Variants in PRRC2B observed in about 807,000 individuals in gnomAD.
PRRC2B encodes protein PRRC2B.
A neutral mutation model predicts 242.3 loss-of-function variants in PRRC2B; 68 were observed. The ratio of observed to expected loss-of-function variants is 0.28; its 90% CI spans 0.23 to 0.34. The LOEUF is 0.34. PRRC2B is among the 10% of genes least tolerant of loss of function. The pLI, the probability that PRRC2B is intolerant of heterozygous loss-of-function variation, is 1.00. For missense variants in PRRC2B, 2,835 were observed against 2,954.8 expected (o/e 0.96, Z 0.94); for synonymous variants, 1,228 against 1,173.6 (o/e 1.05, Z -0.95).
Position 131,488,025 on chromosome 9 carries a change from G to T in PRRC2B, c.6154G>T (p.Val2052Phe), listed in dbSNP as rs746579111. The change falls in exon 28 of 32, where the codon GTC becomes TTC. Residue 2052 changes from valine to phenylalanine, a missense_variant. By Grantham distance (50) the Val-to-Phe change is conservative. Transcript: ENST00000683519. Reference protein sequence around the residue: ...YQPMSGNQALVYEGQLSQAAG... With the variant: ...YQPMSGNQALFYEGQLSQAAG... ...GCCCATGAGCGGGAACCAAGCCCTG[G>T]TCTACGAGGGCCAGCTCAGCCAGGC... 5 of 1,612,620 alleles carry T rather than the reference G, an allele frequency of 3.1e-6. No individual in the cohort carries two copies. Among genetic ancestry groups the T allele is most frequent in the Admixed American group, 3.3e-5 (2 of 59,816 alleles).
At chr9:131,420,251 T>G (rs768110298) in intron 1 of PRRC2B, among the ~76,000 whole-genome samples, 2 of 151,958 alleles carry the variant, frequency 1.3e-5, no homozygotes, top group African/African-American at 2.4e-5. Flanking sequence ...AGGCTGTTTA[T>G]TCTTGGAGAG....
chr9:131,490,010 G>C (rs564377701), intron 28 of PRRC2B, among the ~76,000 whole-genome samples: 2 of 152,224 alleles, frequency 1.3e-5, no homozygotes, highest in East Asian at 3.9e-4. Context: ...TGTGTTTCAA[G>C]AGTCATGGCT....
At chr9:131,467,467 T>C (rs1943429920) in intron 12 of PRRC2B, 96 bp from the exon 13 acceptor site, 1 of 1,099,742 alleles carries the variant, frequency 9.1e-7, no homozygotes. Context: ...CAGTGGAGCG[T>C]ACGGGCCAAC....
At chr9:131,464,556 T>C (rs1026962853) in intron 11 of PRRC2B, among the ~76,000 whole-genome samples, 6 of 152,308 alleles carry the variant, frequency 3.9e-5, no homozygotes, top group African/African-American at 4.8e-5. Context: ...AAGTGAGATA[T>C]GGAGAGTTGG....
chr9:131,495,941 C>A lies in PRRC2B; in HGVS notation c.*67C>A. The A allele has an allele frequency of 6.4e-7, 1 of 1,568,554 alleles. No individual in the cohort carries two copies. Among genetic ancestry groups the A allele is most frequent in the South Asian group, 1.1e-5 (1 of 89,496 alleles). On this transcript the variant is annotated 3_prime_UTR_variant, in exon 32 of 32. Transcript: ENST00000683519. ...TGCCGCCATGCGGCCTCGACACAGC[C>A]GACACTCGGGAGCCTCACCAGATCC...
At chr9:131,376,236 C>A (rs1210680841) in intron 1 of PRRC2B, among the ~76,000 whole-genome samples, 2 of 151,770 alleles carry the variant, frequency 1.3e-5, no homozygotes, top group African/African-American at 4.8e-5. Flanking sequence ...CGTCTGTAAT[C>A]CCAGCTAATC....
At chr9:131,439,270 T>C (rs1352482843) in intron 5 of PRRC2B, among the ~76,000 whole-genome samples, 1 of 152,184 alleles carries the variant, frequency 6.6e-6, no homozygotes, top group Non-Finnish European at 1.5e-5. Flanking sequence ...TGTGTGCTCT[T>C]GCTGAGACAG....
At chr9:131,397,427 A>G (rs998905692) in intron 1 of PRRC2B, among the ~76,000 whole-genome samples, 1 of 152,060 alleles carries the variant, frequency 6.6e-6, no homozygotes, top group Non-Finnish European at 1.5e-5. Flanking sequence ...TGGTTCCAGC[A>G]TGGGTCCCTT....
chr9:131,461,052 C>T (rs1433003774), intron 11 of PRRC2B, among the ~76,000 whole-genome samples: 6 of 152,192 alleles, frequency 3.9e-5, no homozygotes, highest in Non-Finnish European at 5.9e-5. Context: ...CCTCCAGTTC[C>T]ACAGACTTTG....
At chr9:131,384,298 T>G (rs1219472127) in intron 1 of PRRC2B, among the ~76,000 whole-genome samples, 1 of 140,544 alleles carries the variant, frequency 7.1e-6, no homozygotes, top group East Asian at 2.0e-4. Flanking sequence ...ATGTATTTTA[T>G]TTGAGGTGGA....
At position 131,488,010 on chromosome 9, in the gene PRRC2B, G is replaced by A. The variant is rs374786431; in HGVS notation, c.6139G>A (p.Gly2047Arg). 1.6e-5 allele frequency: 25 copies of A among 1,611,922 alleles called. No homozygotes were observed. The highest frequency in any genetic ancestry group is 6.7e-5 in the African/African-American group (5 of 74,872). Reference protein sequence around the residue: ...QSGSPYQPMSGNQALVYEGQL... With the variant: ...QSGSPYQPMSRNQALVYEGQL... ...TGGCTCACCCTACCAGCCCATGAGC[G>A]GGAACCAAGCCCTGGTCTACGAGGG... The change falls in exon 28 of 32, where the codon GGG becomes AGG. Residue 2047 changes from glycine (G) to arginine (R), a missense_variant. Gly to Arg is a moderately radical substitution (Grantham distance 125). Around this residue, in one of 7 missense-constraint regions of PRRC2B, gnomAD observed 574 missense variants for 626.0 expected, o/e 0.92. Transcript: ENST00000683519.
rs370582568 is a variant in PRRC2B at position 131,484,775 on chromosome 9, C to T, written c.5550C>T (p.Ala1850=). The change falls in exon 24 of 32, where the codon GCC becomes GCT. Residue 1850 remains alanine, a synonymous_variant. Coordinates refer to ENST00000683519, the MANE Select transcript of PRRC2B (RefSeq NM_013318.4). ...IGLSPMSFPT[A]DLTLKMESAR... ...TCTCCCCAATGTCCTTCCCCACCGC[C>T]GACCTTACTCTGAAGGTAACACCAG... The T allele has an allele frequency of 3.9e-5, 62 of 1,610,120 alleles. No individual in the cohort carries two copies. Among genetic ancestry groups the T allele is most frequent in the African/African-American group, 9.4e-5 (7 of 74,762 alleles).
At chr9:131,459,907 AG>A (rs1368423251) in intron 11 of PRRC2B, among the ~76,000 whole-genome samples, 1 of 140,872 alleles carries the variant, frequency 7.1e-6, no homozygotes, top group Non-Finnish European at 1.5e-5. Flanking sequence ...AGGCTGAGGC[AG>A]GGGGATTGCT....
intron 14 of PRRC2B, among the ~76,000 whole-genome samples, chr9:131,472,391 G>A (rs990954420): frequency 6.0e-5 from 9 of 150,462 alleles, no homozygotes; most frequent in Non-Finnish European, 1.2e-4. Flanking sequence ...TGCAACCTCC[G>A]CCTCCCGGGT....
Position 131,447,220 on chromosome 9 carries a change from A to G in PRRC2B, c.977+14A>G, listed in dbSNP as rs371856420. ...TGACCAAGACGGGTGAGTCCATTGC[A>G]TTACAGTCACGTGTGTAGAGATGAG... On this transcript the variant is annotated intron_variant, in intron 8 of 31. Transcript: ENST00000683519. The G allele has an allele frequency of 4.8e-5, 77 of 1,613,766 alleles. No individual in the cohort carries two copies. The highest frequency in any genetic ancestry group is 6.3e-5 in the Non-Finnish European group (74 of 1,179,860).
intron 1 of PRRC2B, among the ~76,000 whole-genome samples, chr9:131,429,496 G>C (rs1307266922): frequency 6.6e-6 from 1 of 152,244 alleles, no homozygotes; most frequent in African/African-American, 2.4e-5. Flanking sequence ...GTGTAGCTTA[G>C]AGAGCCCTTT....
Position 131,386,461 on chromosome 9 carries a change from T to G in PRRC2B, c.-56+12730T>G, listed in dbSNP as rs531243599. 9.3e-5 allele frequency among the ~76,000 whole-genome samples: 14 copies of G among 150,334 alleles called. 2 individuals are homozygous for G. The East Asian group carries it at 2.8e-3, about 30-fold the overall frequency. On this transcript the variant is annotated intron_variant, in intron 1 of 1. Coordinates refer to the PRRC2B transcript ENST00000682525. ...CTCCCAGGGATGCAGCAGCTCCCACTGTCCCCAGAGGGTGTCACCCCACTT... is the reference window on the plus strand; with the variant it reads ...CTCCCAGGGATGCAGCAGCTCCCACGGTCCCCAGAGGGTGTCACCCCACTT...
intron 26 of PRRC2B, 31 bp downstream of exon 26, chr9:131,486,213 G>C (rs764706742): frequency 6.9e-7 from 1 of 1,458,796 alleles, no homozygotes; most frequent in Non-Finnish European, 9.5e-7. Flanking sequence ...GGCCTGGCTG[G>C]GGGTGGTGGG....
intron 28 of PRRC2B, 30 bp from the exon 29 acceptor site, chr9:131,491,395 C>T: frequency 1.3e-6 from 2 of 1,559,572 alleles, no homozygotes; most frequent in East Asian, 2.3e-5. Flanking sequence ...AGCATCATTC[C>T]CCCTCCTGAC....
Sources: gnomAD v4.1 joint callset for allele counts (sites outside exome capture counted in the v4.1 genomes callset) on GRCh38, gnomAD v4.1.1 for gene constraint, gnomAD v4.1.1 regional missense constraint, MANE v1.5 for transcripts, NCBI Gene and HGNC (gene_info 2026-07-23, HGNC 2026-07-21) for gene names.